SLC44A2: variants seen among roughly 807,000 people sequenced by gnomAD.
SLC44A2 encodes choline transporter-like protein 2.
SLC44A2 carries 57 observed loss-of-function variants against 90.8 expected under a neutral mutation model. The observed-to-expected ratio is 0.63, with a 90% CI of 0.51 to 0.78. The LOEUF (loss-of-function observed/expected upper bound fraction) is 0.78. Ranked by LOEUF, SLC44A2 falls within the 30% of genes least tolerant of loss-of-function variation. SLC44A2 has a pLI of 0.00. For missense variants in SLC44A2, 794 were observed against 919.7 expected, an observed-to-expected ratio of 0.86 and a Z score of 1.77; for synonymous variants, 355 against 360.7, an observed-to-expected ratio of 0.98 and a Z score of 0.18.
At chr19:10,625,314 G>C, upstream of SLC44A2, 2 of 421,322 alleles carry the variant, frequency 4.7e-6, no homozygotes, top group Non-Finnish European at 7.4e-6. Flanking sequence ...GGGTGGCCAG[G>C]GGTTCTAGGC....
intron 1 of SLC44A2, among the ~76,000 whole-genome samples, chr19:10,613,579 G>C (rs1324439640): frequency 6.6e-6 from 1 of 152,110 alleles, no homozygotes; most frequent in African/African-American, 2.4e-5. Context: ...GGGTGTAGTG[G>C]CTCATGCCTG....
At chr19:10,608,388 G>C (rs1451185048) in intron 1 of SLC44A2, among the ~76,000 whole-genome samples, 1 of 152,092 alleles carries the variant, frequency 6.6e-6, no homozygotes, top group African/African-American at 2.4e-5. Context: ...CGGTAGCATA[G>C]AATAGTACAT....
chr19:10,617,404 C>T (rs1287596523), intron 1 of SLC44A2, among the ~76,000 whole-genome samples: 1 of 152,196 alleles, frequency 6.6e-6, no homozygotes, highest in Admixed American at 6.6e-5. Flanking sequence ...AATGTTCCCT[C>T]TTTACAGAGA....
chr19:10,624,707 G>A (rs2066916303), upstream of SLC44A2, among the ~76,000 whole-genome samples: 1 of 152,230 alleles, frequency 6.6e-6, no homozygotes, highest in South Asian at 2.1e-4. Context: ...AGTTCAGAGG[G>A]TGCAGAAGGA....
At chr19:10,641,706 C>T (rs573757771) in intron 20 of SLC44A2, among the ~76,000 whole-genome samples, 2 of 152,008 alleles carry the variant, frequency 1.3e-5, no homozygotes, top group African/African-American at 4.8e-5. Flanking sequence ...GTTAGCCGGG[C>T]ACAGTGGTGC....
At chr19:10,640,584 G>A (rs1478316321) in intron 20 of SLC44A2, among the ~76,000 whole-genome samples, 1 of 151,966 alleles carries the variant, frequency 6.6e-6, no homozygotes, top group Non-Finnish European at 1.5e-5. Context: ...GAGCCACCAC[G>A]CCCAGCCAGG....
chr19:10,632,320 C>A (rs9797854), intron 10 of SLC44A2, among the ~76,000 whole-genome samples, 164 bp downstream of exon 10: 1 of 151,680 alleles, frequency 6.6e-6, no homozygotes, highest in Non-Finnish European at 1.5e-5. Context: ...GCAGATCACC[C>A]GAGGTCAGGA....
chr19:10,618,951 T>C, intron 1 of SLC44A2, among the ~76,000 whole-genome samples: 1 of 149,808 alleles, frequency 6.7e-6, no homozygotes, highest in Middle Eastern at 3.5e-3. Context: ...GTATCATGTA[T>C]ACAATTCTTT....
At chr19:10,621,918 C>T (rs2066897659), upstream of SLC44A2, among the ~76,000 whole-genome samples, 1 of 152,142 alleles carries the variant, frequency 6.6e-6, no homozygotes, top group Non-Finnish European at 1.5e-5. Context: ...CGCCTGGCCT[C>T]ACCTGGCTAA....
At chr19:10,635,622 G>A in intron 14 of SLC44A2, 107 bp downstream of exon 14, 1 of 1,000,996 alleles carries the variant, frequency 1.0e-6, no homozygotes, top group Non-Finnish European at 1.5e-6. Flanking sequence ...GGCCCCTGTT[G>A]CATGTCCTGT....
intron 1 of SLC44A2, among the ~76,000 whole-genome samples, chr19:10,607,517 ATTTTT>A (rs61695650): frequency 1.6e-5 from 2 of 127,390 alleles, no homozygotes; most frequent in African/African-American, 3.0e-5. Flanking sequence ...TACTCAACTA[ATTTTT>A]TTTTTTTTTT....
At chr19:10,612,308 G>C (rs1260147227) in intron 1 of SLC44A2, among the ~76,000 whole-genome samples, 2 of 152,104 alleles carry the variant, frequency 1.3e-5, no homozygotes, top group Non-Finnish European at 2.9e-5. Context: ...GGAGGTCAAG[G>C]CTGCAGTGAG....
At chr19:10,603,995 C>T (rs1918032459) in intron 1 of SLC44A2, among the ~76,000 whole-genome samples, 1 of 152,106 alleles carries the variant, frequency 6.6e-6, no homozygotes, top group Non-Finnish European at 1.5e-5. Context: ...CCTCCCAGGC[C>T]CACACATGAG....
chr19:10,634,378 C>T (rs912299002), intron 10 of SLC44A2, among the ~76,000 whole-genome samples: 2 of 151,070 alleles, frequency 1.3e-5, no homozygotes, highest in Admixed American at 6.6e-5. Flanking sequence ...GCAGGAGAAT[C>T]GCTTGAACCC....
upstream of SLC44A2, chr19:10,625,380 G>T (rs2066921393): frequency 1.0e-5 from 10 of 984,512 alleles, no homozygotes; most frequent in South Asian, 4.2e-4. Context: ...TCCCGGGTGG[G>T]GGCGGGGAAG....
chr19:10,632,401 A>T (rs2067007048), intron 10 of SLC44A2, among the ~76,000 whole-genome samples: 1 of 151,638 alleles, frequency 6.6e-6, no homozygotes, highest in African/African-American at 2.4e-5. Context: ...CCGGGCATGG[A>T]GGTGCATGCC....
intron 1 of SLC44A2, among the ~76,000 whole-genome samples, chr19:10,606,882 T>C (rs983874413): frequency 1.7e-4 from 26 of 150,644 alleles, no homozygotes; most frequent in African/African-American, 6.3e-4. Context: ...TGTATGTATG[T>C]ATGTATGAAA....
rs556628556 is a variant in SLC44A2 at position 10,616,142 on chromosome 19, G to GA, written c.32-10097dup. On this transcript the variant is annotated intron_variant, in intron 1 of 21. Transcript: ENST00000407327. ...GTGACAGTGAGACCCTGTCTCCAAA[G>GA]AAAAAAAAAAAAAAGGATGAAATGA... Among the ~76,000 whole-genome samples the GA allele has an allele frequency of 5.5e-3, 541 of 98,808 alleles. 2 individuals are homozygous for GA. Among genetic ancestry groups the GA allele is most frequent in the South Asian group, 0.01 (34 of 3,274 alleles). 64.8% of individuals were successfully genotyped at this position (98,808 alleles called of 152,430 possible).
intron 21 of SLC44A2, among the ~76,000 whole-genome samples, 190 bp downstream of exon 21, chr19:10,642,641 T>C (rs548610311): frequency 6.6e-6 from 1 of 152,268 alleles, no homozygotes; most frequent in South Asian, 2.1e-4. Flanking sequence ...TCCGACCTCC[T>C]GTCCACTGGC....
Sources: gnomAD v4.1 joint callset for allele counts (sites outside exome capture counted in the v4.1 genomes callset) on GRCh38, gnomAD v4.1.1 for gene constraint, MANE v1.5 for transcripts, NCBI Gene and HGNC (gene_info 2026-07-23, HGNC 2026-07-21) for gene names.